The following PHF20L1 variants were observed in gnomAD, a reference collection of about 807,000 sequenced individuals.
PHF20L1 encodes PHD finger protein 20 like 1, also known as PHD finger protein 20-like protein 1.
In PHF20L1, 44 loss-of-function variants were observed where a neutral mutation model predicts 125.5. The observed-to-expected ratio is 0.35, with a 90% CI of 0.28 to 0.45. The LOEUF is 0.45. PHF20L1 is among the 20% of genes least tolerant of loss of function. The probability of loss-of-function intolerance (pLI) is 1.00; values close to 1 mark genes in which losing one functional copy is unlikely to be tolerated. For synonymous variants in PHF20L1, 380 were observed against 403.1 expected (o/e 0.94, Z 0.69); for missense variants, 1,012 against 1,217.2 (o/e 0.83, Z 2.51).
intron 16 of PHF20L1, 147 bp downstream of exon 16, chr8:132,836,868 T>A: frequency 1.6e-6 from 1 of 619,496 alleles, no homozygotes; most frequent in East Asian, 2.7e-5. Context: ...TAGTAATGAT[T>A]AGGAGATTTC....
At chr8:132,802,727 ATTGTT>A (rs1341794184) in intron 6 of PHF20L1, among the ~76,000 whole-genome samples, 1 of 151,740 alleles carries the variant, frequency 6.6e-6, no homozygotes, top group Non-Finnish European at 1.5e-5. Flanking sequence ...TTAATGGCTT[ATTGTT>A]TTCACCATAT....
At chr8:132,839,285 T>C (rs1435753332) in intron 17 of PHF20L1, 102 bp from the exon 18 acceptor site, 2 of 850,408 alleles carry the variant, frequency 2.4e-6, no homozygotes, top group East Asian at 2.4e-5. Context: ...CTCCTAGTGC[T>C]AGAGCTTGCC....
intron 19 of PHF20L1, 154 bp downstream of exon 19, chr8:132,843,029 C>T: frequency 7.3e-7 from 1 of 1,373,568 alleles, no homozygotes; most frequent in Non-Finnish European, 9.4e-7. Context: ...GTTTTCTCTA[C>T]AGGAAAACAC....
At chr8:132,806,890 T>C (rs553875185) in intron 8 of PHF20L1, 2 of 152,056 alleles carry the variant, frequency 1.3e-5, no homozygotes, top group Non-Finnish European at 2.9e-5. Flanking sequence ...TAAAGAGTTC[T>C]AACTTAAATA....
chr8:132,791,254 C>CT (rs1184118420), intron 2 of PHF20L1, among the ~76,000 whole-genome samples: 8,448 of 117,058 alleles, frequency 0.072, 376 homozygotes, highest in Non-Finnish European at 0.099. Flanking sequence ...GAGTTATTTC[C>CT]TTTTTTTTTT....
intron 19 of PHF20L1, 58 bp from the exon 20 acceptor site, chr8:132,844,093 TAACTC>T: frequency 6.3e-7 from 1 of 1,596,132 alleles, no homozygotes; most frequent in Non-Finnish European, 8.5e-7. Context: ...CCTGTATCCT[TAACTC>T]AATGACTGCA....
At chr8:132,784,135 C>T (rs1466342580) in intron 2 of PHF20L1, among the ~76,000 whole-genome samples, 1 of 152,094 alleles carries the variant, frequency 6.6e-6, no homozygotes, top group African/African-American at 2.4e-5. Context: ...ATGTGAAAAG[C>T]ATGATTTAGG....
intron 14 of PHF20L1, among the ~76,000 whole-genome samples, chr8:132,825,687 G>T (rs1214016783): frequency 6.6e-6 from 1 of 152,066 alleles, no homozygotes; most frequent in African/African-American, 2.4e-5. Flanking sequence ...GTCTAGAATT[G>T]TAGAGTTCCT....
In PHF20L1 at chr8:132,814,745, G is replaced by A; in HGVS notation, c.1039G>A (p.Ala347Thr). The change falls in exon 10 of 21, where the codon GCT becomes ACT. Residue 347 changes from alanine (A) to threonine (T), a missense_variant. Around this residue, in one of 7 missense-constraint regions of PHF20L1, gnomAD observed 119 missense variants for 160.2 expected, o/e 0.74. Transcript: ENST00000395386. ...LLSSTLSSGK[A>T]RSKKCKHESG... ...ATCCTCAACTTTGTCTTCAGGGAAG[G>A]CTCGCAGCAAGAAATGCAAACATGA... 6.2e-7 allele frequency: 1 copy of A among 1,612,992 alleles called. No homozygotes were observed. The highest frequency in any genetic ancestry group is 8.5e-7 in the Non-Finnish European group (1 of 1,179,288).
At chr8:132,814,190 A>G (rs1256236206) in intron 9 of PHF20L1, among the ~76,000 whole-genome samples, 4 of 151,944 alleles carry the variant, frequency 2.6e-5, no homozygotes, top group African/African-American at 9.7e-5. Flanking sequence ...AGACCTTTAC[A>G]TTCAACTTAA....
intron 20 of PHF20L1, among the ~76,000 whole-genome samples, chr8:132,845,274 A>G (rs1483451578): frequency 3.9e-5 from 6 of 152,120 alleles, no homozygotes; most frequent in Admixed American, 6.6e-5. Flanking sequence ...TAGTGTTAAA[A>G]TAGTGGAACT....
At chr8:132,801,519 ATTAG>A (rs1365282643) in intron 6 of PHF20L1, among the ~76,000 whole-genome samples, 2 of 151,766 alleles carry the variant, frequency 1.3e-5, no homozygotes, top group East Asian at 3.9e-4. Flanking sequence ...AAACATCATT[ATTAG>A]TTATAGTTCA....
intron 9 of PHF20L1, chr8:132,811,775 C>A (rs1402762235): frequency 6.1e-6 from 6 of 984,084 alleles, no homozygotes; most frequent in Non-Finnish European, 4.8e-6. Flanking sequence ...AAGGGCTTAA[C>A]TTCTTAGGCA....
At chr8:132,833,045 C>T (rs1836946719) in intron 15 of PHF20L1, among the ~76,000 whole-genome samples, 1 of 152,168 alleles carries the variant, frequency 6.6e-6, no homozygotes, top group Middle Eastern at 3.4e-3. Context: ...TCTTACCTTG[C>T]TTCCAATATT....
intron 14 of PHF20L1, among the ~76,000 whole-genome samples, chr8:132,827,752 A>G (rs1338985037): frequency 6.6e-6 from 1 of 152,064 alleles, no homozygotes; most frequent in Non-Finnish European, 1.5e-5. Flanking sequence ...AGCCATTAAA[A>G]CGTACTTTAA....
rs1367008440 is a variant in PHF20L1 at position 132,825,245 on chromosome 8, A to C, written c.1637-19A>C. ...CAGGATCAGTCGTGATTGCTAAAGT[A>C]TTCACTTTTATCTTTTAGGTAAGAG... On this transcript the variant is annotated intron_variant, in intron 13 of 20. Coordinates refer to ENST00000395386, the MANE Select transcript of PHF20L1 (RefSeq NM_016018.5). The C allele has an allele frequency of 6.3e-7, 1 of 1,592,514 alleles. No individual in the cohort carries two copies. Among genetic ancestry groups the C allele is most frequent in the African/African-American group, 1.4e-5 (1 of 73,676 alleles).
chr8:132,792,776 A>G (rs576644493), intron 2 of PHF20L1, among the ~76,000 whole-genome samples: 24 of 151,938 alleles, frequency 1.6e-4, no homozygotes, highest in Non-Finnish European at 2.8e-4. Context: ...TTCCTTAGCT[A>G]TTTGCTATCT....
intron 2 of PHF20L1, among the ~76,000 whole-genome samples, chr8:132,792,246 A>G (rs560378994): frequency 6.6e-6 from 1 of 152,332 alleles, no homozygotes; most frequent in East Asian, 1.9e-4. Flanking sequence ...ATAGTACTTC[A>G]GTGGCTAGCG....
chr8:132,792,840 C>G (rs1354456532), intron 2 of PHF20L1, among the ~76,000 whole-genome samples: 1 of 152,080 alleles, frequency 6.6e-6, no homozygotes, highest in Non-Finnish European at 1.5e-5. Flanking sequence ...TTTCTTGACT[C>G]TAGTAACACT....
Sources: allele counts gnomAD v4.1 joint callset (sites outside exome capture counted in the v4.1 genomes callset), GRCh38; gene constraint gnomAD v4.1.1; regional missense constraint gnomAD v4.1.1; transcripts MANE v1.5; gene names NCBI Gene and HGNC (gene_info 2026-07-23, HGNC 2026-07-21).